The following MYH3 variants were observed in gnomAD, a reference collection of about 807,000 sequenced individuals.
MYH3 encodes the protein myosin heavy chain 3, also known as myosin-3.
In MYH3, 130 loss-of-function variants were observed where a neutral mutation model predicts 238.0. That is an observed-to-expected ratio of 0.55 (90% confidence interval 0.47 to 0.63). The LOEUF is 0.63. Ranked by LOEUF, MYH3 falls within the 30% of genes least tolerant of loss-of-function variation. The pLI is 0.00. For missense variants in MYH3, 1,853 were observed against 2,374.9 expected (o/e 0.78, Z 4.57); for synonymous variants, 880 against 924.1 (o/e 0.95, Z 0.86).
At chr17:10,646,501 G>C (rs907981831) in intron 10 of MYH3, among the ~76,000 whole-genome samples, 2 of 152,222 alleles carry the variant, frequency 1.3e-5, no homozygotes, top group African/African-American at 2.4e-5. Flanking sequence ...ACCTCTGTGA[G>C]GGGCAGACAA....
In MYH3 at chr17:10,638,907, C is replaced by T; in HGVS notation, c.3305G>A (p.Gly1102Asp). ...QSKVEDEQTL[G>D]LQFQKKIKEL... Reference sequence around the variant, plus strand: ...TTTGATTTTCTTCTGAAACTGGAGGCCCAGTGTCTGCTCATCTTCCACTTT... The same window carrying T: ...TTTGATTTTCTTCTGAAACTGGAGGTCCAGTGTCTGCTCATCTTCCACTTT... Residue 1102 changes from glycine (G) to aspartate (D), a missense_variant, in exon 26 of 41, where the codon GGC (glycine) becomes GAC (aspartate). Around this residue, in one of 3 missense-constraint regions of MYH3, gnomAD observed 1,044 missense variants for 1,192.6 expected, o/e 0.88. Coordinates refer to ENST00000583535, the MANE Select transcript of MYH3 (RefSeq NM_002470.4). 6.2e-7 allele frequency: 1 copy of T among 1,614,118 alleles called. No homozygotes were observed. The highest frequency in any genetic ancestry group is 1.7e-5 in the Admixed American group (1 of 60,022).
At chr17:10,656,063 G>C (rs1453087524) in intron 2 of MYH3, 27 bp downstream of exon 2, 3 of 152,264 alleles carry the variant, frequency 2.0e-5, no homozygotes, top group African/African-American at 7.2e-5. Context: ...ATCTCCAACA[G>C]CCGAGGGACA....
At chr17:10,660,876 T>C (rs2074475818), upstream of MYH3, among the ~76,000 whole-genome samples, 1 of 151,588 alleles carries the variant, frequency 6.6e-6, no homozygotes, top group African/African-American at 2.4e-5. Flanking sequence ...TCCCAGCTAT[T>C]CGAGAGGCTG....
Position 10,631,826 on chromosome 17 carries a change from A to G in MYH3, c.5147T>C (p.Leu1716Pro), listed in dbSNP as rs1027202890. Residue 1716 changes from leucine (L) to proline (P), a missense_variant, in exon 35 of 41, where the codon CTG becomes CCG. This residue lies in a region of MYH3 where 1,044 missense variants were observed against 1,192.6 expected (regional missense o/e 0.88). Transcript: ENST00000583535. ...ELLDSNERVQ[L>P]LHTQNTSLIH... ...CCCTCCCCTCACCTGGGTATGCAGC[A>G]GCTGCACCCTCTCGTTGGAGTCCAG... 3.7e-6 allele frequency: 6 copies of G among 1,613,950 alleles called. No homozygotes were observed. The highest frequency in any genetic ancestry group is 5.1e-6 in the Non-Finnish European group (6 of 1,180,024).
chr17:10,676,439 T>A, the MYH3 span: 2 of 152,152 alleles, frequency 1.3e-5, no homozygotes, highest in Non-Finnish European at 2.9e-5. Flanking sequence ...CAGAGGCACA[T>A]GCTGGGAATG....
At chr17:10,648,866 G>C (rs1443377062) in intron 7 of MYH3, among the ~76,000 whole-genome samples, 1 of 152,026 alleles carries the variant, frequency 6.6e-6, no homozygotes, top group Non-Finnish European at 1.5e-5. Context: ...GTAGAGATGG[G>C]GTTTCTCCAT....
At chr17:10,633,760 G>C (rs998948148) in intron 32 of MYH3, 45 bp from the exon 33 acceptor site, 2 of 1,611,588 alleles carry the variant, frequency 1.2e-6, no homozygotes, top group Non-Finnish European at 1.7e-6. Flanking sequence ...CCTCTGCGTG[G>C]GTTTCCAGAC....
At chr17:10,633,466 G>C (rs2074184154) in intron 33 of MYH3, 125 bp downstream of exon 33, 2 of 1,178,842 alleles carry the variant, frequency 1.7e-6, no homozygotes, top group Non-Finnish European at 2.5e-6. Flanking sequence ...TGACGGGAAA[G>C]CAGCAGGCAT....
rs963467117 is a variant in MYH3 at position 10,650,489 on chromosome 17, T to C, written c.506-88A>G. The C allele has an allele frequency of 6.6e-6, 8 of 1,208,428 alleles. No individual in the cohort carries two copies. In the East Asian group the frequency reaches 7.3e-5, roughly 11 times the overall value. 74.9% of individuals were successfully genotyped at this position (1,208,428 alleles called of 1,614,324 possible). A position where few individuals can be genotyped will look rare whatever the true frequency, so the allele number is the denominator to read the frequency against. On this transcript the variant is annotated intron_variant, in intron 5 of 40. Transcript: ENST00000583535. ...CAACTCTCAAGTAGCCAGAGTTAAATTGCACAATTCCTCTTCCTTTACATT... is the reference window on the plus strand; with the variant it reads ...CAACTCTCAAGTAGCCAGAGTTAAACTGCACAATTCCTCTTCCTTTACATT...
chr17:10,663,298 A>G, the MYH3 span, among the ~76,000 whole-genome samples: 2 of 152,138 alleles, frequency 1.3e-5, no homozygotes, highest in Non-Finnish European at 2.9e-5. Context: ...CAAGATCAAA[A>G]GTGTTGAGGG....
At chr17:10,659,814 G>A (rs564420299), upstream of MYH3, among the ~76,000 whole-genome samples, 1 of 152,362 alleles carries the variant, frequency 6.6e-6, no homozygotes, top group East Asian at 1.9e-4. Flanking sequence ...AAGCTTGCTG[G>A]AAGCGGTGAG....
intron 6 of MYH3, 76 bp from the exon 7 acceptor site, chr17:10,649,761 A>T: frequency 7.5e-7 from 1 of 1,332,280 alleles, no homozygotes; most frequent in Non-Finnish European, 1.1e-6. Flanking sequence ...TGTCATACTG[A>T]GGCCTGGGCA....
At chr17:10,641,716 G>A (rs925719315) in intron 17 of MYH3, among the ~76,000 whole-genome samples, 2 of 152,022 alleles carry the variant, frequency 1.3e-5, no homozygotes, top group Non-Finnish European at 2.9e-5. Flanking sequence ...GGGTTTTACT[G>A]TGTTAGCCAG....
chr17:10,647,620 C>T lies in MYH3; in HGVS notation c.736-194G>A, dbSNP rs11653454. Among the ~76,000 whole-genome samples, 1,083 of 152,338 alleles carry T rather than the reference C, an allele frequency of 7.1e-3. 9 individuals are homozygous for T. Among genetic ancestry groups the T allele is most frequent in the Non-Finnish European group, 0.011 (771 of 68,034 alleles). ...AGTGCAGTGGCGTGATCTCGGCTCA[C>T]TGCAACCTCTGCCTCCCGGGTTCAA... On this transcript the variant is annotated intron_variant, in intron 8 of 40. Transcript: ENST00000583535.
In MYH3 at chr17:10,631,635, C is replaced by T; in HGVS notation, c.5262G>A (p.Glu1754=). Residue 1754 remains glutamate (E), a synonymous_variant, in exon 36 of 41, where the codon GAG becomes GAA. Transcript: ENST00000583535. ...DASRDARNAE[E]KAKKAITDAA... is the part of the protein sequence containing the mutation. ...CGTCCGTGATGGCCTTCTTGGCCTT[C>T]TCCTCAGCGTTCCTTGCATCCCTGC... The T allele has an allele frequency of 6.2e-7, 1 of 1,614,158 alleles. No individual in the cohort carries two copies. Among genetic ancestry groups the T allele is most frequent in the East Asian group, 2.2e-5 (1 of 44,882 alleles).
Position 10,642,739 on chromosome 17 carries a change from G to GGCAAA in MYH3, c.1582-21_1582-17dup. 1 of 1,614,188 alleles carries GGCAAA rather than the reference G, an allele frequency of 6.2e-7. No individual in the cohort carries two copies. The highest frequency in any genetic ancestry group is 8.5e-7 in the Non-Finnish European group (1 of 1,180,046). On this transcript the variant is annotated splice_polypyrimidine_tract_variant and intron_variant, in intron 15 of 40. Transcript: ENST00000583535. This position sits in a 1 kb window ranked among gnomAD's most constrained non-coding sequence, Gnocchi z 5.4. ...TGCCCATAGGCTGGATTGAAGGCAA[G>GGCAAA]GCAAAGTGCAGAGAGGTAAATATGA...
At chr17:10,648,452 T>A in intron 8 of MYH3, 105 bp downstream of exon 8, 2 of 979,430 alleles carry the variant, frequency 2.0e-6, no homozygotes, top group Non-Finnish European at 1.7e-6. Context: ...GTTGTTTTGT[T>A]TTTCATCATC....
rs1326525512 is a variant in MYH3, at chr17:10,632,658, G to C, written c.4774C>G (p.Gln1592Glu). 3 of 1,614,154 alleles carry C rather than the reference G, an allele frequency of 1.9e-6. No homozygotes were observed. Among genetic ancestry groups the C allele is most frequent in the Admixed American group, 1.7e-5 (1 of 60,022 alleles). ...EEIEQLKRNY[Q>E]RTVETMQSAL... is the part of the protein sequence containing the mutation. ...CTCTGCATGGTTTCCACTGTTCTCT[G>C]GTAGTTCCTCTTCAGCTGCTCGATC... Residue 1592 changes from glutamine to glutamate, a missense_variant, in exon 34 of 41, where the codon CAG becomes GAG. By Grantham distance (29) the Gln-to-Glu change is conservative. This residue lies in a region of MYH3 where 1,044 missense variants were observed against 1,192.6 expected (regional missense o/e 0.88). Transcript: ENST00000583535.
the MYH3 span, chr17:10,676,102 CTTT>C: frequency 6.6e-6 from 1 of 151,978 alleles, no homozygotes; most frequent in African/African-American, 2.4e-5. Context: ...TTCTTTCTTT[CTTT>C]TTTGTTTTTT....
Sources: allele counts gnomAD v4.1 joint callset (sites outside exome capture counted in the v4.1 genomes callset), GRCh38; gene constraint gnomAD v4.1.1; regional missense constraint gnomAD v4.1.1; non-coding constraint Gnocchi (gnomAD v3.1); transcripts MANE v1.5; gene names NCBI Gene and HGNC (gene_info 2026-07-23, HGNC 2026-07-21).